The following LPAR3 variants were observed in gnomAD, a reference collection of about 807,000 sequenced individuals.
The protein encoded by LPAR3 is lysophosphatidic acid receptor 3, also known as LPA receptor 3.
Under a neutral mutation model 17.8 loss-of-function variants are expected in LPAR3, and 7 were observed. The observed-to-expected ratio is 0.39, with a 90% CI of 0.22 to 0.74. LPAR3 has a LOEUF of 0.74. Ranked by LOEUF, LPAR3 falls within the 30% of genes least tolerant of loss-of-function variation. The pLI, the probability that LPAR3 is intolerant of heterozygous loss-of-function variation, is 0.40. For missense variants in LPAR3, 391 were observed against 453.4 expected (o/e 0.86, Z 1.25); for synonymous variants, 179 against 179.9 (o/e 0.99, Z 0.04).
Position 84,818,733 on chromosome 1 carries a change from G to A in LPAR3, c.737-4562C>T, listed in dbSNP as rs559719315. Among the ~76,000 whole-genome samples, 5 of 152,144 alleles carry A rather than the reference G, an allele frequency of 3.3e-5. No individual in the cohort carries two copies. In the South Asian group the frequency reaches 8.3e-4, roughly 25 times the overall value. On this transcript the variant is annotated intron_variant, in intron 2 of 2. Coordinates refer to ENST00000370611, the MANE Select transcript of LPAR3 (RefSeq NM_012152.3). ...AGCCCTCTCTCCTGTTGAGATAAAC[G>A]TATCATACATTTTGGGCTAATCATC...
chr1:84,848,547 C>T (rs1659636083), intron 2 of LPAR3, among the ~76,000 whole-genome samples: 1 of 152,198 alleles, frequency 6.6e-6, no homozygotes. Flanking sequence ...AGACCAGAGA[C>T]ACAATATTTC....
intron 2 of LPAR3, among the ~76,000 whole-genome samples, chr1:84,819,950 A>T (rs1659018589): frequency 6.6e-6 from 1 of 152,144 alleles, no homozygotes; most frequent in Non-Finnish European, 1.5e-5. Flanking sequence ...CACTGGGCAC[A>T]TTACCTGCTT....
chr1:84,817,168 G>A (rs1658949671), intron 2 of LPAR3, among the ~76,000 whole-genome samples: 1 of 151,808 alleles, frequency 6.6e-6, no homozygotes, highest in African/African-American at 2.4e-5. Flanking sequence ...GAGCATTGAG[G>A]CTAAATACTC....
At chr1:84,849,792 G>A (rs1170718442) in intron 2 of LPAR3, among the ~76,000 whole-genome samples, 1 of 152,140 alleles carries the variant, frequency 6.6e-6, no homozygotes, top group Non-Finnish European at 1.5e-5. Context: ...CAAAACCAAG[G>A]AGGCTGATCA....
At chr1:84,875,285 T>C (rs888952073) in intron 1 of LPAR3, among the ~76,000 whole-genome samples, 5 of 152,242 alleles carry the variant, frequency 3.3e-5, no homozygotes, top group African/African-American at 1.2e-4. Flanking sequence ...TGCAAAAATA[T>C]ATTTTGAGAC....
At chr1:84,859,028 C>A (rs933226929) in intron 2 of LPAR3, among the ~76,000 whole-genome samples, 2 of 152,098 alleles carry the variant, frequency 1.3e-5, no homozygotes. Flanking sequence ...ATGGGGGAAG[C>A]GCAAATAATT....
At chr1:84,837,169 G>A (rs984519450) in intron 2 of LPAR3, among the ~76,000 whole-genome samples, 1 of 151,912 alleles carries the variant, frequency 6.6e-6, no homozygotes, top group Non-Finnish European at 1.5e-5. Context: ...CTACAGGCAC[G>A]TGCCACCACA....
chr1:84,862,111 G>C (rs916260896), intron 2 of LPAR3, among the ~76,000 whole-genome samples: 1 of 152,172 alleles, frequency 6.6e-6, no homozygotes, highest in African/African-American at 2.4e-5. Flanking sequence ...AATTTCTCAA[G>C]ACACATAGCC....
At chr1:84,841,838 C>G (rs1659509970) in intron 2 of LPAR3, among the ~76,000 whole-genome samples, 1 of 152,080 alleles carries the variant, frequency 6.6e-6, no homozygotes, top group Non-Finnish European at 1.5e-5. Flanking sequence ...CAGCTCTGGC[C>G]AGACTTGAAT....
intron 1 of LPAR3, among the ~76,000 whole-genome samples, chr1:84,873,759 T>TG (rs1396525286): frequency 1.8e-5 from 2 of 113,326 alleles, no homozygotes; most frequent in African/African-American, 1.0e-4. Context: ...TGCTTGTTTG[T>TG]TTTTTTTTTT....
At chr1:84,855,442 G>T (rs1380351290) in intron 2 of LPAR3, among the ~76,000 whole-genome samples, 2 of 152,136 alleles carry the variant, frequency 1.3e-5, no homozygotes, top group Non-Finnish European at 2.9e-5. Context: ...TTGGCAGGAG[G>T]GTTGGATGTA....
intron 1 of LPAR3, among the ~76,000 whole-genome samples, chr1:84,889,673 C>T (rs564428233): frequency 6.6e-5 from 10 of 152,258 alleles, no homozygotes; most frequent in East Asian, 5.8e-4. Context: ...TGTCAGAGGA[C>T]GGGAGAGAGG....
At chr1:84,857,030 G>GT (rs937811344) in intron 2 of LPAR3, among the ~76,000 whole-genome samples, 1 of 152,142 alleles carries the variant, frequency 6.6e-6, no homozygotes, top group African/African-American at 2.4e-5. Context: ...TGGGTCTCCA[G>GT]TAACAGAGCT....
At chr1:84,856,933 T>C (rs1382902494) in intron 2 of LPAR3, among the ~76,000 whole-genome samples, 1 of 152,100 alleles carries the variant, frequency 6.6e-6, no homozygotes, top group African/African-American at 2.4e-5. Context: ...TTAACAGAAT[T>C]TCGTAGGGGA....
At chr1:84,818,732 C>T (rs909076240) in intron 2 of LPAR3, among the ~76,000 whole-genome samples, 4 of 152,154 alleles carry the variant, frequency 2.6e-5, no homozygotes, top group Non-Finnish European at 4.4e-5. Context: ...TTGAGATAAA[C>T]GTATCATACA....
At chr1:84,839,923 A>G (rs1659476726) in intron 2 of LPAR3, among the ~76,000 whole-genome samples, 2 of 152,162 alleles carry the variant, frequency 1.3e-5, no homozygotes, top group Admixed American at 6.5e-5. Context: ...ATACAATTAT[A>G]TAAGTGCTTG....
intron 2 of LPAR3, among the ~76,000 whole-genome samples, chr1:84,837,834 T>C (rs1452718587): frequency 1.3e-5 from 2 of 152,316 alleles, no homozygotes; most frequent in East Asian, 3.9e-4. Flanking sequence ...TGAAAAGAAA[T>C]GTATGTTCCT....
chr1:84,815,441 G>A (rs1658915245), intron 2 of LPAR3, among the ~76,000 whole-genome samples: 1 of 152,178 alleles, frequency 6.6e-6, no homozygotes, highest in South Asian at 2.1e-4. Flanking sequence ...AAACAAGCAA[G>A]TCTATAGATG....
intron 1 of LPAR3, among the ~76,000 whole-genome samples, chr1:84,867,635 T>C (rs1660077799): frequency 6.6e-6 from 1 of 152,098 alleles, no homozygotes. Context: ...GTAAATATCA[T>C]TTTATATGCT....
Sources: allele counts gnomAD v4.1 joint callset (sites outside exome capture counted in the v4.1 genomes callset), GRCh38; gene constraint gnomAD v4.1.1; transcripts MANE v1.5; gene names NCBI Gene and HGNC (gene_info 2026-07-23, HGNC 2026-07-21).